SUSD5: variants seen among roughly 807,000 people sequenced by gnomAD.
SUSD5 encodes the protein sushi domain containing 5.
In SUSD5, 33 loss-of-function variants were observed where a neutral mutation model predicts 29.5. That is an observed-to-expected ratio of 1.12 (90% CI 0.85 to 1.49). The LOEUF is 1.49. SUSD5 is among the 40% of genes most tolerant of loss of function. The pLI, the probability that SUSD5 is intolerant of heterozygous loss-of-function variation, is 0.00. For missense variants in SUSD5, 776 were observed against 800.6 expected (o/e 0.97, Z 0.37); for synonymous variants, 308 against 325.3 (o/e 0.95, Z 0.57).
intron 3 of SUSD5, among the ~76,000 whole-genome samples, chr3:33,192,628 C>T (rs913339678): frequency 7.3e-5 from 11 of 151,342 alleles, no homozygotes; most frequent in Admixed American, 2.0e-4. Context: ...ACCAACATGG[C>T]GAAATCCCAT....
rs972643496 is a variant in SUSD5 at position 33,207,853 on chromosome 3, G to A, written c.364C>T (p.Pro122Ser). The A allele has an allele frequency of 5.6e-6, 9 of 1,613,790 alleles. No individual in the cohort carries two copies. The African/African-American group carries it at 6.7e-5, about 12-fold the overall frequency. ...RAVDVRIESNPVPGGTYSALC... is the reference protein window; with the variant it reads ...RAVDVRIESNSVPGGTYSALC... ...GCACTGTATGTGCCACCAGGAACTG[G>A]GTTGCTCTCAATTCTCACATCGACA... Residue 122 changes from proline (P) to serine (S), a missense_variant, in exon 3 of 5, where the codon CCA becomes TCA. Pro to Ser is a moderately conservative substitution (Grantham distance 74). Transcript: ENST00000309558.
At chr3:33,166,614 C>T (rs947065991) in intron 4 of SUSD5, among the ~76,000 whole-genome samples, 1 of 152,148 alleles carries the variant, frequency 6.6e-6, no homozygotes, top group Non-Finnish European at 1.5e-5. Flanking sequence ...AAGGGCATGT[C>T]CCCCCTGCCT....
chr3:33,187,397 C>T (rs1030643939), intron 3 of SUSD5, among the ~76,000 whole-genome samples: 9 of 152,152 alleles, frequency 5.9e-5, no homozygotes, highest in Non-Finnish European at 1.2e-4. Flanking sequence ...TTCTGGATTT[C>T]CCGCAAACAT....
chr3:33,200,472 G>A (rs1403258870), intron 3 of SUSD5, among the ~76,000 whole-genome samples: 1 of 152,144 alleles, frequency 6.6e-6, no homozygotes, highest in East Asian at 1.9e-4. Flanking sequence ...TGCTTCCTCT[G>A]CAGTGCACCA....
At chr3:33,173,139 G>A (rs1212368410) in intron 4 of SUSD5, among the ~76,000 whole-genome samples, 2 of 152,208 alleles carry the variant, frequency 1.3e-5, no homozygotes, top group Non-Finnish European at 2.9e-5. Flanking sequence ...CTATTAACAT[G>A]TGATAAGTGC....
intron 3 of SUSD5, among the ~76,000 whole-genome samples, chr3:33,180,589 G>A (rs1181579205): frequency 6.6e-6 from 1 of 152,166 alleles, no homozygotes; most frequent in Non-Finnish European, 1.5e-5. Flanking sequence ...CACTTTGGAA[G>A]GCTGAAGCAG....
chr3:33,175,834 C>T lies in SUSD5; in HGVS notation c.410-760G>A, dbSNP rs577213814. Among the ~76,000 whole-genome samples, 8 of 152,254 alleles carry T rather than the reference C, an allele frequency of 5.3e-5. No individual in the cohort carries two copies. The South Asian group carries it at 1.7e-3, about 32-fold the overall frequency. ...ATTTGTGAAAACTGATGAAACTCCA[C>T]TGATACCTCATTATCACCCAAAGTC... On this transcript the variant is annotated intron_variant, in intron 3 of 4. Coordinates refer to ENST00000309558, the MANE Select transcript of SUSD5 (RefSeq NM_015551.2).
At chr3:33,177,547 C>T (rs1286827702) in intron 3 of SUSD5, among the ~76,000 whole-genome samples, 3 of 151,994 alleles carry the variant, frequency 2.0e-5, no homozygotes, top group South Asian at 4.2e-4. Flanking sequence ...CTCACTCTGT[C>T]GCCCAGGCTG....
In SUSD5 at chr3:33,214,030, C is replaced by G; in HGVS notation, c.188G>C (p.Ser63Thr). 6.2e-7 allele frequency: 1 copy of G among 1,613,722 alleles called. No homozygotes were observed. Among genetic ancestry groups the G allele is most frequent in the Non-Finnish European group, 8.5e-7 (1 of 1,179,792 alleles). The change falls in exon 2 of 5, where the codon AGC becomes ACC. Residue 63 changes from serine (S) to threonine (T), a missense_variant. By Grantham distance (58) the Ser-to-Thr change is moderately conservative. Transcript: ENST00000309558. ...TGCAGATGCCAGGTGAGCGCCCCTG[C>G]TCTTGCAGGAAAGCCGAGCAGCCTC... is the stretch of plus-strand genomic sequence containing the variant. ...QLEAARLSCK[S>T]RGAHLASADE...
intron 4 of SUSD5, among the ~76,000 whole-genome samples, chr3:33,156,121 AC>A (rs1405080209): frequency 6.6e-6 from 1 of 150,744 alleles, no homozygotes; most frequent in Admixed American, 6.6e-5. Flanking sequence ...GCTCACTGCA[AC>A]CTCCGCCTCC....
chr3:33,169,849 T>C (rs59156973), intron 4 of SUSD5, among the ~76,000 whole-genome samples: 50,853 of 152,016 alleles, frequency 0.33, 9,036 homozygotes, highest in Middle Eastern at 0.4. Flanking sequence ...GAACTGAGGG[T>C]AGGGGTGGGC....
At chr3:33,174,343 C>A (rs1333323789) in intron 4 of SUSD5, among the ~76,000 whole-genome samples, 2 of 152,068 alleles carry the variant, frequency 1.3e-5, no homozygotes, top group Non-Finnish European at 2.9e-5. Flanking sequence ...ATCAATAGTG[C>A]TTGGAAGCCC....
intron 1 of SUSD5, among the ~76,000 whole-genome samples, chr3:33,218,157 A>C (rs1270603731): frequency 6.6e-6 from 1 of 152,046 alleles, no homozygotes; most frequent in Non-Finnish European, 1.5e-5. Context: ...TTTTCCTGTC[A>C]CTCAGAGACA....
chr3:33,213,628 G>A (rs2032365444), intron 2 of SUSD5, among the ~76,000 whole-genome samples: 1 of 152,052 alleles, frequency 6.6e-6, no homozygotes, highest in Middle Eastern at 3.4e-3. Flanking sequence ...ACAAAAATTA[G>A]CTGGGCATGG....
chr3:33,183,072 G>A (rs890922191), intron 3 of SUSD5, among the ~76,000 whole-genome samples: 1 of 152,216 alleles, frequency 6.6e-6, no homozygotes, highest in African/African-American at 2.4e-5. Context: ...TGGGATTACA[G>A]GCGTGAGCCA....
chr3:33,199,419 A>G (rs533910949), intron 3 of SUSD5, among the ~76,000 whole-genome samples: 10 of 152,028 alleles, frequency 6.6e-5, no homozygotes, highest in Non-Finnish European at 1.5e-4. Context: ...GACTACAGGC[A>G]CCCGCCACCA....
rs1473397011 is a variant in SUSD5, at chr3:33,174,991, A to G, written c.493T>C (p.Tyr165His). The G allele has an allele frequency of 1.2e-6, 2 of 1,614,034 alleles. No individual in the cohort carries two copies. Among genetic ancestry groups the G allele is most frequent in the Non-Finnish European group, 1.7e-6 (2 of 1,179,892 alleles). ...TGLEMGDELLYVCAPGHIMGH... is the reference protein window; with the variant it reads ...TGLEMGDELLHVCAPGHIMGH... ...ATGATGTGGCCTGGGGCACACACGT[A>G]CAGCAGTTCATCCCCCATTTCCAAG... Residue 165 changes from tyrosine to histidine, a missense_variant, in exon 4 of 5, where the codon TAC becomes CAC. Physicochemically the swap from Tyr to His is moderately conservative, Grantham distance 83 (BLOSUM62 2). Coordinates refer to ENST00000309558, the MANE Select transcript of SUSD5 (RefSeq NM_015551.2).
At chr3:33,215,804 C>G (rs1200724743) in intron 1 of SUSD5, among the ~76,000 whole-genome samples, 1 of 152,092 alleles carries the variant, frequency 6.6e-6, no homozygotes, top group Admixed American at 6.6e-5. Context: ...TAAAACATGT[C>G]AACTCAAGGG....
chr3:33,191,442 T>C (rs2031889593), intron 3 of SUSD5, among the ~76,000 whole-genome samples: 1 of 152,056 alleles, frequency 6.6e-6, no homozygotes, highest in African/African-American at 2.4e-5. Context: ...GTATACCTTT[T>C]TTTCCCTGTT....
Sources: gnomAD v4.1 joint callset for allele counts (sites outside exome capture counted in the v4.1 genomes callset) on GRCh38, gnomAD v4.1.1 for gene constraint, MANE v1.5 for transcripts, NCBI Gene and HGNC (gene_info 2026-07-23, HGNC 2026-07-21) for gene names.